Variants in EPS15L1 observed in about 807,000 individuals in gnomAD.
EPS15L1 encodes the protein epidermal growth factor receptor substrate 15-like 1.
In EPS15L1, 43 loss-of-function variants were observed where a neutral mutation model predicts 117.1. The ratio of observed to expected loss-of-function variants is 0.37; its 90% CI spans 0.29 to 0.47. The LOEUF is 0.47. Ranked by LOEUF, EPS15L1 falls within the 20% of genes least tolerant of loss-of-function variation. EPS15L1 has a pLI of 0.99. For missense variants in EPS15L1, 981 were observed against 1,164.0 expected (o/e 0.84, Z 2.29); for synonymous variants, 459 against 470.5 (o/e 0.98, Z 0.32).
rs2092309782 is a variant in EPS15L1 at position 16,377,379 on chromosome 19, C to T, written c.2248-125G>A. ...GCCTCCTACCCTCTGGACTGCACAACATGGCCCTGCTTGGACGTGGGGTCT... is the reference window on the plus strand; with the variant it reads ...GCCTCCTACCCTCTGGACTGCACAATATGGCCCTGCTTGGACGTGGGGTCT... On this transcript the variant is annotated intron_variant, in intron 21 of 23. Transcript: ENST00000455140. The T allele has an allele frequency of 3.7e-5, 39 of 1,057,418 alleles. No individual in the cohort carries two copies. In the South Asian group the frequency reaches 5.2e-4, roughly 14 times the overall value. The allele number at this position is 1,057,418 out of a possible 1,614,324, so 65.5% of individuals were successfully genotyped here.
chr19:16,390,010 A>G (rs1432180119), intron 19 of EPS15L1, among the ~76,000 whole-genome samples: 2 of 152,190 alleles, frequency 1.3e-5, no homozygotes, highest in African/African-American at 4.8e-5. Flanking sequence ...AAAATAGTAG[A>G]CTTAAACCAT....
At chr19:16,430,906 C>T (rs536417595) in intron 7 of EPS15L1, among the ~76,000 whole-genome samples, 4 of 152,254 alleles carry the variant, frequency 2.6e-5, no homozygotes, top group East Asian at 1.9e-4. Context: ...CATAGGGATG[C>T]GGAGGGACAT....
intron 17 of EPS15L1, among the ~76,000 whole-genome samples, 160 bp downstream of exon 17, chr19:16,395,184 G>C (rs1258032399): frequency 2.1e-5 from 3 of 144,808 alleles, no homozygotes; most frequent in Non-Finnish European, 4.5e-5. Context: ...GACAGCAAGA[G>C]AGCGAGAGTT....
chr19:16,395,513 G>T, intron 16 of EPS15L1, 46 bp from the exon 17 acceptor site: 1 of 1,590,976 alleles, frequency 6.3e-7, no homozygotes, highest in Non-Finnish European at 8.6e-7. Flanking sequence ...TTATTTCTGA[G>T]TTAAAGCAAA....
chr19:16,388,464 T>C lies in EPS15L1; in HGVS notation c.2104-2233A>G, dbSNP rs139072328. 6.2e-3 allele frequency among the ~76,000 whole-genome samples: 945 copies of C among 152,158 alleles called. 8 individuals are homozygous for C. The highest frequency in any genetic ancestry group is 0.022 in the African/African-American group (898 of 41,494). On this transcript the variant is annotated intron_variant, in intron 19 of 23. Coordinates refer to ENST00000455140, the MANE Select transcript of EPS15L1 (RefSeq NM_001258374.3). ...TTCAAAAACTACTGAAAACCAAAGA[T>C]AAAGAGAGAATCTTGAAAGTAGCCA...
intron 10 of EPS15L1, among the ~76,000 whole-genome samples, chr19:16,418,701 C>T (rs1290454900): frequency 6.6e-6 from 1 of 152,176 alleles, no homozygotes; most frequent in Non-Finnish European, 1.5e-5. Context: ...GAGGTGGGGC[C>T]TCTGGGAGGT....
At chr19:16,434,053 G>A (rs2092955205) in intron 7 of EPS15L1, among the ~76,000 whole-genome samples, 1 of 152,156 alleles carries the variant, frequency 6.6e-6, no homozygotes, top group African/African-American at 2.4e-5. Context: ...AGCCCAAGTT[G>A]GGGAGCTTAA....
At chr19:16,425,695 C>T (rs921255917) in intron 8 of EPS15L1, among the ~76,000 whole-genome samples, 1 of 152,118 alleles carries the variant, frequency 6.6e-6, no homozygotes, top group African/African-American at 2.4e-5. Flanking sequence ...GTCCCAGCTA[C>T]TTGGGAGGCT....
chr19:16,451,221 GATTACAGGCGTGAGCC>G (rs2093139043), intron 1 of EPS15L1, among the ~76,000 whole-genome samples: 2 of 152,222 alleles, frequency 1.3e-5, no homozygotes, highest in Admixed American at 6.5e-5. Context: ...AAAGTGCTGG[GATTACAGGCGTGAGCC>G]ACCGCGCCCG....
At chr19:16,423,546 G>T (rs553594784) in intron 9 of EPS15L1, among the ~76,000 whole-genome samples, 46 of 151,938 alleles carry the variant, frequency 3.0e-4, no homozygotes, top group Non-Finnish European at 6.2e-4. Context: ...CTCCAGCCAG[G>T]GCAGCAGAGC....
At chr19:16,466,694 G>A (rs2093308350) in intron 1 of EPS15L1, among the ~76,000 whole-genome samples, 1 of 152,134 alleles carries the variant, frequency 6.6e-6, no homozygotes, top group Admixed American at 6.6e-5. Context: ...CTTGAGGTCA[G>A]GAGTTCGAGA....
At chr19:16,432,795 AAATT>A (rs1275089293) in intron 7 of EPS15L1, among the ~76,000 whole-genome samples, 1 of 152,002 alleles carries the variant, frequency 6.6e-6, no homozygotes, top group Non-Finnish European at 1.5e-5. Context: ...ACAAAACAAA[AAATT>A]AATTATTATT....
intron 6 of EPS15L1, among the ~76,000 whole-genome samples, chr19:16,436,044 G>A (rs1269039108): frequency 2.0e-5 from 3 of 152,176 alleles, no homozygotes; most frequent in Non-Finnish European, 4.4e-5. Context: ...CACAGTGATT[G>A]CCACTGGCAA....
chr19:16,403,855 T>C lies in EPS15L1; in HGVS notation c.1504A>G (p.Lys502Glu), dbSNP rs1463769282. The C allele has an allele frequency of 4.3e-6, 7 of 1,614,072 alleles. No homozygotes were observed. In the Admixed American group the frequency reaches 8.3e-5, roughly 19 times the overall value. Residue 502 changes from lysine (K) to glutamate (E), a missense_variant, in exon 15 of 24, where the codon AAG becomes GAG. Physicochemically the swap from Lys to Glu is moderately conservative, Grantham distance 56 (BLOSUM62 1). This residue lies in a region of EPS15L1 where 819 missense variants were observed against 949.0 expected (regional missense o/e 0.86). Transcript: ENST00000455140. ...KSQEDDLNRA[K>E]SELNRLQQEE... ...TGCTGCAATCGGTTCAGCTCCGACTTGGCTCGGTTCAGATCGTCTTCCTGG... is the reference window on the plus strand; with the variant it reads ...TGCTGCAATCGGTTCAGCTCCGACTCGGCTCGGTTCAGATCGTCTTCCTGG...
At chr19:16,435,298 A>T (rs1568449116) in intron 6 of EPS15L1, 1 of 152,112 alleles carries the variant, frequency 6.6e-6, no homozygotes, top group Non-Finnish European at 1.5e-5. Flanking sequence ...ATTAATACGT[A>T]AATAGGAATA....
At chr19:16,419,762 C>A (rs2092796524) in intron 10 of EPS15L1, among the ~76,000 whole-genome samples, 1 of 152,236 alleles carries the variant, frequency 6.6e-6, no homozygotes, top group Non-Finnish European at 1.5e-5. Context: ...GCCTAGTTAT[C>A]CCCACAGTTC....
intron 22 of EPS15L1, 61 bp downstream of exon 22, chr19:16,377,061 C>A: frequency 6.5e-7 from 1 of 1,536,564 alleles, no homozygotes; most frequent in Non-Finnish European, 8.7e-7. Flanking sequence ...GCAGGGAGGC[C>A]CTGGTCCCCC....
In EPS15L1 at chr19:16,434,413, G is replaced by C; in HGVS notation, c.450C>G (p.Val150=). ...GCTTTGAGTTCATGAGGACTGGCTT[G>C]ACTTTGTCTCCAGAGAGCAAACCAT... The part of the protein sequence containing the change: ...PINGLLSGDK[V]KPVLMNSKLP... Residue 150 remains valine (V), a synonymous_variant, in exon 7 of 24, where the codon GTC becomes GTG. Transcript: ENST00000455140. 1 of 1,614,178 alleles carries C rather than the reference G, an allele frequency of 6.2e-7. No individual in the cohort carries two copies. The highest frequency in any genetic ancestry group is 8.5e-7 in the Non-Finnish European group (1 of 1,180,028).
intron 1 of EPS15L1, among the ~76,000 whole-genome samples, chr19:16,462,068 G>C (rs1205013931): frequency 1.3e-5 from 2 of 152,184 alleles, no homozygotes; most frequent in Non-Finnish European, 2.9e-5. Flanking sequence ...GCAATCATAG[G>C]ACAAAATGGT....
Sources: allele counts gnomAD v4.1 joint callset (sites outside exome capture counted in the v4.1 genomes callset), GRCh38; gene constraint gnomAD v4.1.1; regional missense constraint gnomAD v4.1.1; transcripts MANE v1.5; gene names NCBI Gene and HGNC (gene_info 2026-07-23, HGNC 2026-07-21).